Variants in NLRP5 observed in about 807,000 individuals in gnomAD.
NLRP5 encodes the protein NLR family pyrin domain containing 5.
In NLRP5, 93 loss-of-function variants were observed where a neutral mutation model predicts 113.1. That is an observed-to-expected ratio of 0.82 (90% CI 0.70 to 0.98). NLRP5 has a LOEUF of 0.98. Ranked by LOEUF, NLRP5 falls within the 50% of genes least tolerant of loss-of-function variation. The pLI is 0.00. For synonymous variants in NLRP5, 751 were observed against 600.7 expected (o/e 1.25, Z -3.66); for missense variants, 1,808 against 1,514.3 (o/e 1.19, Z -3.22).
Position 56,050,434 on chromosome 19 carries a change from C to G in NLRP5, c.2974C>G (p.Leu992Val), listed in dbSNP as rs754667467. 10 of 1,613,732 alleles carry G rather than the reference C, an allele frequency of 6.2e-6. No homozygotes were observed. The highest frequency in any genetic ancestry group is 7.6e-6 in the Non-Finnish European group (9 of 1,179,852). Residue 992 changes from leucine to valine, a missense_variant, in exon 12 of 15, where the codon CTG (leucine) becomes GTG (valine). Coordinates refer to ENST00000390649, the MANE Select transcript of NLRP5 (RefSeq NM_153447.4). The stretch of plus-strand genomic sequence containing the variant: ...GCCCCACAGGCTGAATCAGTGCCAC[C>G]TGGACACGGCTGGCTGTGGTTTTCT...
chr19:56,012,785 A>G (rs1270865840), intron 3 of NLRP5, among the ~76,000 whole-genome samples: 3 of 152,194 alleles, frequency 2.0e-5, no homozygotes, highest in Admixed American at 1.3e-4. Flanking sequence ...CCTGTGATAT[A>G]AGCACCATTA....
intron 11 of NLRP5, among the ~76,000 whole-genome samples, chr19:56,050,163 C>T (rs180964613): frequency 5.3e-5 from 8 of 151,900 alleles, no homozygotes; most frequent in Non-Finnish European, 1.2e-4. Flanking sequence ...GCCTGTAATC[C>T]CAGCTACTCA....
Position 56,029,481 on chromosome 19 carries a change from A to G in NLRP5, c.2276+972A>G, listed in dbSNP as rs547396547. On this transcript the variant is annotated intron_variant, in intron 7 of 14. Transcript: ENST00000390649. Reference sequence around the variant, plus strand: ...GGGTTTCACCATGTTGGCCAGGCTGATCTCGAACTCCTGACCTCAGGTGAG... The same window carrying G: ...GGGTTTCACCATGTTGGCCAGGCTGGTCTCGAACTCCTGACCTCAGGTGAG... Among the ~76,000 whole-genome samples, 222 of 148,518 alleles carry G rather than the reference A, an allele frequency of 1.5e-3. 1 individual carries two copies. Among genetic ancestry groups the G allele is most frequent in the African/African-American group, 5.3e-3 (215 of 40,556 alleles).
intron 4 of NLRP5, chr19:56,018,576 G>C (rs983450552): frequency 6.6e-6 from 1 of 152,202 alleles, no homozygotes; most frequent in South Asian, 2.1e-4. Context: ...TTTGAATCCT[G>C]TGTCTAATTC....
intron 2 of NLRP5, among the ~76,000 whole-genome samples, chr19:56,007,359 CTTTT>C (rs35019402): frequency 6.8e-6 from 1 of 146,050 alleles, no homozygotes; most frequent in Admixed American, 6.8e-5. Context: ...TTGAGACTGT[CTTTT>C]TTTTTTTTAT....
chr19:56,006,839 A>AAG (rs1599878552), intron 2 of NLRP5, among the ~76,000 whole-genome samples: 1 of 151,730 alleles, frequency 6.6e-6, no homozygotes, highest in African/African-American at 2.4e-5. Flanking sequence ...TTCCGGGTTC[A>AAG]TGCCATTCTC....
chr19:55,997,529 T>C (rs1981362102), upstream of NLRP5, among the ~76,000 whole-genome samples: 1 of 151,754 alleles, frequency 6.6e-6, no homozygotes, highest in Non-Finnish European at 1.5e-5. Context: ...TTGGTATAAG[T>C]TCTGTAAAAG....
At chr19:56,054,021 G>T (rs918529674) in intron 13 of NLRP5, among the ~76,000 whole-genome samples, 2 of 152,156 alleles carry the variant, frequency 1.3e-5, no homozygotes, top group African/African-American at 2.4e-5. Context: ...TTGGGAACAA[G>T]GTCTGGAGGT....
At chr19:56,035,241 G>A (rs1009863047) in intron 9 of NLRP5, among the ~76,000 whole-genome samples, 2 of 152,186 alleles carry the variant, frequency 1.3e-5, no homozygotes, top group Admixed American at 1.3e-4. Flanking sequence ...GCCCTGCTTT[G>A]AGCTTTGTTA....
chr19:55,988,070 T>A, the NLRP5 span: 25 of 612,048 alleles, frequency 4.1e-5, no homozygotes, highest in Middle Eastern at 4.0e-4. Context: ...AACCCTGGAG[T>A]GAGGACGGTG....
the NLRP5 span, among the ~76,000 whole-genome samples, chr19:55,987,533 G>A: frequency 1.3e-5 from 2 of 152,130 alleles, no homozygotes; most frequent in South Asian, 2.1e-4. Context: ...CAATTCTGAC[G>A]GTGTTGTTTG....
At chr19:56,059,964 G>C (rs955480209) in intron 14 of NLRP5, among the ~76,000 whole-genome samples, 63 of 152,350 alleles carry the variant, frequency 4.1e-4, no homozygotes, top group African/African-American at 1.5e-3. Context: ...AGTCAAGAGT[G>C]GCTGTGGTAG....
chr19:56,033,250 TAAACA>T (rs1185557894), intron 8 of NLRP5, among the ~76,000 whole-genome samples: 1 of 151,586 alleles, frequency 6.6e-6, no homozygotes, highest in Non-Finnish European at 1.5e-5. Context: ...GACTCCATCT[TAAACA>T]AAAAACAAAA....
At chr19:56,013,186 T>C (rs967677683) in intron 3 of NLRP5, among the ~76,000 whole-genome samples, 1 of 152,076 alleles carries the variant, frequency 6.6e-6, no homozygotes, top group Non-Finnish European at 1.5e-5. Flanking sequence ...TTTAACATAA[T>C]GTTTTTGTTT....
intron 6 of NLRP5, 112 bp downstream of exon 6, chr19:56,020,543 C>A: frequency 4.0e-6 from 5 of 1,245,586 alleles, no homozygotes; most frequent in Non-Finnish European, 5.7e-6. Context: ...TTTCTTCAAT[C>A]TCATTTGTCT....
At chr19:55,987,253 C>G in the NLRP5 span, among the ~76,000 whole-genome samples, 1 of 152,190 alleles carries the variant, frequency 6.6e-6, no homozygotes, top group East Asian at 1.9e-4. Flanking sequence ...GCCTATAATC[C>G]CACCTTCTAG....
At chr19:56,005,208 C>CATACACACAT (rs1250117829) in intron 2 of NLRP5, among the ~76,000 whole-genome samples, 1 of 124,620 alleles carries the variant, frequency 8.0e-6, no homozygotes, top group Non-Finnish European at 1.6e-5. Flanking sequence ...TACACATACA[C>CATACACACAT]ATACACACAT....
At chr19:56,046,928 G>C (rs1983750188) in intron 11 of NLRP5, among the ~76,000 whole-genome samples, 1 of 152,174 alleles carries the variant, frequency 6.6e-6, no homozygotes, top group Non-Finnish European at 1.5e-5. Context: ...CTCACTGCTT[G>C]TTACTGGTCT....
chr19:55,988,535 G>A, the NLRP5 span: 2 of 147,074 alleles, frequency 1.4e-5, no homozygotes, highest in African/African-American at 2.5e-5. Flanking sequence ...AGTCTTCATC[G>A]TCTTCTTGCT....
Sources: allele counts gnomAD v4.1 joint callset (sites outside exome capture counted in the v4.1 genomes callset), GRCh38; gene constraint gnomAD v4.1.1; transcripts MANE v1.5; gene names NCBI Gene and HGNC (gene_info 2026-07-23, HGNC 2026-07-21).